Variants in NRDE2 observed in about 807,000 individuals in gnomAD.
NRDE2 encodes the protein NRDE-2, necessary for RNA interference, domain containing, also known as nuclear exosome regulator NRDE2.
In NRDE2, 76 loss-of-function variants were observed where a neutral mutation model predicts 124.2. The observed-to-expected ratio is 0.61, with a 90% CI of 0.51 to 0.74. NRDE2 has a LOEUF of 0.74. NRDE2 is among the 30% of genes least tolerant of loss of function. NRDE2 has a pLI of 0.00. For missense variants in NRDE2, 1,314 were observed against 1,417.3 expected (o/e 0.93, Z 1.17); for synonymous variants, 489 against 528.1 (o/e 0.93, Z 1.01).
rs1489055924 is a variant in NRDE2, at chr14:90,288,241, T to C, written c.3134A>G (p.Lys1045Arg). 16 of 1,613,978 alleles carry C rather than the reference T, an allele frequency of 9.9e-6. No homozygotes were observed. Among genetic ancestry groups the C allele is most frequent in the Non-Finnish European group, 1.4e-5 (16 of 1,179,980 alleles). ...CCTCTGGACAGTTTCCACCAGTCTC[T>C]TCCTCAGTTTCTCAGCTTCAATTGC... ...LFAIEAEKLRKRLVETVQRLD... is the reference protein window; with the variant it reads ...LFAIEAEKLRRRLVETVQRLD... Residue 1045 changes from lysine to arginine, a missense_variant, in exon 11 of 14, where the codon AAG becomes AGG. Physicochemically the swap from Lys to Arg is conservative, Grantham distance 26. Transcript: ENST00000354366.
intron 1 of NRDE2, among the ~76,000 whole-genome samples, chr14:90,327,748 C>T (rs1284592238): frequency 2.6e-5 from 4 of 152,146 alleles, no homozygotes; most frequent in African/African-American, 4.8e-5. Flanking sequence ...AGGTGGCTCA[C>T]GCACTTTGGG....
chr14:90,279,380 T>G (rs1891892107), intron 12 of NRDE2: 1 of 441,436 alleles, frequency 2.3e-6, no homozygotes, highest in South Asian at 3.4e-5. Context: ...TGAACACTAC[T>G]GACTTTTTAA....
chr14:90,282,918 G>A (rs896393413), intron 12 of NRDE2, among the ~76,000 whole-genome samples: 1 of 152,128 alleles, frequency 6.6e-6, no homozygotes, highest in African/African-American at 2.4e-5. Flanking sequence ...CATTTTTACA[G>A]GGAAAAAAGT....
rs150602569 is a variant in NRDE2, at chr14:90,276,113, G to T, written c.*2223C>A. On this transcript the variant is annotated 3_prime_UTR_variant, in exon 14 of 14. Coordinates refer to ENST00000354366, the MANE Select transcript of NRDE2 (RefSeq NM_017970.4). ...TGATGAAACACATGAGCCACTGTTTGACTCCAGCTGGGAACCCCCTTCTCA... is the reference window on the plus strand; with the variant it reads ...TGATGAAACACATGAGCCACTGTTTTACTCCAGCTGGGAACCCCCTTCTCA... 1.6e-4 allele frequency: 24 copies of T among 152,184 alleles called. No individual in the cohort carries two copies. The highest frequency in any genetic ancestry group is 5.8e-4 in the African/African-American group (24 of 41,506). The allele number at this position is 152,184 out of a possible 1,614,324, so 9.4% of individuals were successfully genotyped here. A position where few individuals can be genotyped will look rare whatever the true frequency, so the allele number is the denominator to read the frequency against.
chr14:90,283,905 G>A (rs1426795970), intron 12 of NRDE2, among the ~76,000 whole-genome samples: 1 of 151,986 alleles, frequency 6.6e-6, no homozygotes, highest in Non-Finnish European at 1.5e-5. Flanking sequence ...TAGAGATGGC[G>A]TTTCACCGTG....
Position 90,277,082 on chromosome 14 carries a change from A to C in NRDE2, c.*1254T>G, listed in dbSNP as rs1461537968. On this transcript the variant is annotated 3_prime_UTR_variant, in exon 14 of 14. Coordinates refer to ENST00000354366, the MANE Select transcript of NRDE2 (RefSeq NM_017970.4). ...GAAAAGGCATCAAGGGGAGCAGCTG[A>C]CGACCTGTCTGTCGCTAAGGAACAC... 10 of 152,172 alleles carry C rather than the reference A, an allele frequency of 6.6e-5. No homozygotes were observed. The highest frequency in any genetic ancestry group is 1.5e-4 in the Non-Finnish European group (10 of 68,060). The allele number at this position is 152,172 out of a possible 1,614,324, so 9.4% of individuals were successfully genotyped here.
At chr14:90,329,517 T>C (rs1885582138) in intron 1 of NRDE2, among the ~76,000 whole-genome samples, 3 of 151,626 alleles carry the variant, frequency 2.0e-5, no homozygotes, top group South Asian at 2.1e-4. Context: ...CTGGGCAACA[T>C]AGCAAGACCC....
chr14:90,321,484 G>C (rs1885237872), intron 1 of NRDE2, among the ~76,000 whole-genome samples: 1 of 150,836 alleles, frequency 6.6e-6, no homozygotes, highest in Non-Finnish European at 1.5e-5. Context: ...AGCTGAGAAG[G>C]GAGGACCACT....
intron 10 of NRDE2, 92 bp downstream of exon 10, chr14:90,290,129 C>T (rs2139676160): frequency 2.9e-6 from 4 of 1,380,984 alleles, no homozygotes; most frequent in Non-Finnish European, 4.0e-6. Flanking sequence ...GGCATAGTTC[C>T]AGGGAGAGCA....
chr14:90,276,101 G>A lies in NRDE2; in HGVS notation c.*2235C>T, dbSNP rs916270905. 1 of 152,190 alleles carries A rather than the reference G, an allele frequency of 6.6e-6. No individual in the cohort carries two copies. The highest frequency in any genetic ancestry group is 6.6e-5 in the Admixed American group (1 of 15,260). The allele number at this position is 152,190 out of a possible 1,614,324, so 9.4% of individuals were successfully genotyped here. On this transcript the variant is annotated 3_prime_UTR_variant, in exon 14 of 14. Transcript: ENST00000354366. ...GACGAGCGTTCCTGATGAAACACAT[G>A]AGCCACTGTTTGACTCCAGCTGGGA...
chr14:90,279,437 A>G (rs1447055192), intron 12 of NRDE2: 6 of 291,864 alleles, frequency 2.1e-5, no homozygotes, highest in Non-Finnish European at 3.2e-5. Context: ...TCTGGGTGTT[A>G]GTAACAGTGC....
At chr14:90,319,579 T>A (rs761613393) in intron 1 of NRDE2, among the ~76,000 whole-genome samples, 1 of 152,148 alleles carries the variant, frequency 6.6e-6, no homozygotes, top group African/African-American at 2.4e-5. Context: ...ACATTTAATA[T>A]AAATAAGCTC....
At position 90,315,176 on chromosome 14, in the gene NRDE2, C is replaced by CAA. The variant is rs71117336; in HGVS notation, c.407+1400_407+1401dup. On this transcript the variant is annotated intron_variant, in intron 3 of 13. Coordinates refer to ENST00000354366, the MANE Select transcript of NRDE2 (RefSeq NM_017970.4). ...TGGCCGACAGAGCAATACTCTGTCT[C>CAA]AAAAAAAAAAAAAAAAAAAAAAAAA... is the stretch of plus-strand genomic sequence containing the variant. Among the ~76,000 whole-genome samples, 105 of 31,798 alleles carry CAA rather than the reference C, an allele frequency of 3.3e-3. 5 individuals carry two copies. Among genetic ancestry groups the CAA allele is most frequent in the African/African-American group, 0.014 (93 of 6,516 alleles). The allele number at this position is 31,798 out of a possible 152,430, so 20.9% of individuals were successfully genotyped here.
chr14:90,301,506 G>C, intron 6 of NRDE2, 134 bp from the exon 7 acceptor site: 1 of 772,088 alleles, frequency 1.3e-6, no homozygotes, highest in South Asian at 1.7e-5. Context: ...ACAAAGCTGT[G>C]ATACATGTCT....
rs1215746230 is a variant in NRDE2, at chr14:90,317,935, G to C, written c.173+70C>G. On this transcript the variant is annotated intron_variant, in intron 2 of 13. Transcript: ENST00000354366. ...CTCTTTTATTAGAGTTTTCTAAGGA[G>C]CTTCATTTCAGCTAAGCTATAGACA... The C allele has an allele frequency of 4.6e-6, 5 of 1,075,270 alleles. No individual in the cohort carries two copies. In the East Asian group the frequency reaches 9.7e-5, roughly 21 times the overall value. The allele number at this position is 1,075,270 out of a possible 1,614,324, so 66.6% of individuals were successfully genotyped here.
Position 90,301,335 on chromosome 14 carries a change from A to G in NRDE2, c.1449T>C (p.Ala483=). 6.2e-7 allele frequency: 1 copy of G among 1,613,834 alleles called. No individual in the cohort carries two copies. Among genetic ancestry groups the G allele is most frequent in the Non-Finnish European group, 8.5e-7 (1 of 1,179,964 alleles). Residue 483 remains alanine, a synonymous_variant, in exon 7 of 14, where the codon GCT becomes GCC. Coordinates refer to ENST00000354366, the MANE Select transcript of NRDE2 (RefSeq NM_017970.4). Reference sequence around the variant, plus strand: ...ATGAGATGGCCTTCTCAGAGTGGCCAGCCTGCCGCAGAAAGTGGCACTGCT... The same window carrying G: ...ATGAGATGGCCTTCTCAGAGTGGCCGGCCTGCCGCAGAAAGTGGCACTGCT... The part of the protein sequence containing the change: ...FLQQCHFLRQ[A]GHSEKAISLF...
At chr14:90,312,336 C>A in intron 4 of NRDE2, 58 bp downstream of exon 4, 1 of 1,557,848 alleles carries the variant, frequency 6.4e-7, no homozygotes. Context: ...CAAGAGAGTT[C>A]CGAGGAGAAA....
chr14:90,324,167 TAGAC>T (rs955728855), intron 1 of NRDE2, among the ~76,000 whole-genome samples: 3 of 76,558 alleles, frequency 3.9e-5, no homozygotes, highest in South Asian at 4.7e-4. Context: ...GTTTGGGAAA[TAGAC>T]AGTGAGAAAT....
intron 1 of NRDE2, among the ~76,000 whole-genome samples, chr14:90,327,041 T>C (rs545423149): frequency 6.6e-6 from 1 of 152,350 alleles, no homozygotes; most frequent in South Asian, 2.1e-4. Context: ...CTCTTCCTGG[T>C]TCCATCCACT....
Sources: gnomAD v4.1 joint callset for allele counts (sites outside exome capture counted in the v4.1 genomes callset) on GRCh38, gnomAD v4.1.1 for gene constraint, MANE v1.5 for transcripts, NCBI Gene and HGNC (gene_info 2026-07-23, HGNC 2026-07-21) for gene names.